Variants in LTBP1 observed in about 807,000 individuals in gnomAD.
LTBP1 encodes the protein latent-transforming growth factor beta-binding protein 1.
In LTBP1, 129 loss-of-function variants were observed where a neutral mutation model predicts 207.6. The ratio of observed to expected loss-of-function variants is 0.62; its 90% CI spans 0.54 to 0.72. LTBP1 has a LOEUF of 0.72. Ranked by LOEUF, LTBP1 falls within the 30% of genes least tolerant of loss-of-function variation. The pLI, the probability that LTBP1 is intolerant of heterozygous loss-of-function variation, is 0.00. For missense variants in LTBP1, 2,281 were observed against 2,217.2 expected (o/e 1.03, Z -0.58); for synonymous variants, 963 against 833.7 (o/e 1.16, Z -2.67).
chr2:33,397,409 G>C (rs943382089), intron 33 of LTBP1, 127 bp downstream of exon 33: 1 of 852,508 alleles, frequency 1.2e-6, no homozygotes, highest in Non-Finnish European at 1.8e-6. Context: ...TTCTGGAGAT[G>C]TACATTAAGT....
At chr2:33,160,723 A>G (rs1259910154) in intron 5 of LTBP1, among the ~76,000 whole-genome samples, 1 of 152,154 alleles carries the variant, frequency 6.6e-6, no homozygotes. Context: ...CTGCCTCATT[A>G]TTACTGGTCA....
intron 2 of LTBP1, 110 bp from the exon 3 acceptor site, chr2:33,020,799 G>A: frequency 9.4e-7 from 1 of 1,067,944 alleles, no homozygotes; most frequent in Non-Finnish European, 1.3e-6. Context: ...GTATTTGTGT[G>A]GTTTTTTATT....
chr2:33,398,282 G>A, intron 33 of LTBP1, 82 bp from the exon 34 acceptor site: 1 of 1,310,260 alleles, frequency 7.6e-7, no homozygotes, highest in Non-Finnish European at 1.1e-6. Context: ...GTCGGGGGAA[G>A]GGCCTCAGGT....
At chr2:33,045,321 T>G (rs530747118) in intron 3 of LTBP1, among the ~76,000 whole-genome samples, 2 of 152,342 alleles carry the variant, frequency 1.3e-5, no homozygotes, top group South Asian at 4.1e-4. Flanking sequence ...CAGTTTCCGT[T>G]TTCTGCGTAT....
At chr2:32,999,789 G>A (rs1309986806) in intron 2 of LTBP1, among the ~76,000 whole-genome samples, 1 of 133,092 alleles carries the variant, frequency 7.5e-6, no homozygotes, top group African/African-American at 2.6e-5. Flanking sequence ...CTCTAGCCTG[G>A]GCGACAGAGT....
intron 3 of LTBP1, among the ~76,000 whole-genome samples, chr2:33,046,416 T>C (rs1001839834): frequency 7.2e-5 from 11 of 152,198 alleles, no homozygotes; most frequent in African/African-American, 2.2e-4. Flanking sequence ...TGGATTACGT[T>C]TATTGATTTG....
At chr2:33,021,352 C>CGTTA (rs2075157883) in intron 3 of LTBP1, 146 bp downstream of exon 3, 2 of 783,396 alleles carry the variant, frequency 2.6e-6, no homozygotes, top group African/African-American at 3.5e-5. Flanking sequence ...AGGCTTTACA[C>CGTTA]GTTAGGCTTT....
At chr2:33,321,510 G>A (rs1356335981) in intron 24 of LTBP1, among the ~76,000 whole-genome samples, 1 of 152,176 alleles carries the variant, frequency 6.6e-6, no homozygotes, top group Non-Finnish European at 1.5e-5. Context: ...GCAGACGTGG[G>A]GTTTGTTTTC....
chr2:33,344,266 A>G (rs1273170127), intron 25 of LTBP1, among the ~76,000 whole-genome samples: 2 of 152,262 alleles, frequency 1.3e-5, no homozygotes, highest in African/African-American at 4.8e-5. Context: ...ATTTAATAAT[A>G]TAGCTAAGAC....
intron 24 of LTBP1, among the ~76,000 whole-genome samples, chr2:33,341,727 AAAATAT>A (rs2094625509): frequency 2.2e-5 from 2 of 89,624 alleles, no homozygotes; most frequent in Non-Finnish European, 4.1e-5. Flanking sequence ...AAAAAAAAAA[AAAATAT>A]ATATATATAT....
At chr2:33,019,803 G>C (rs1165370337) in intron 2 of LTBP1, among the ~76,000 whole-genome samples, 1 of 151,780 alleles carries the variant, frequency 6.6e-6, no homozygotes, top group East Asian at 1.9e-4. Context: ...CTGCAGCCTC[G>C]ACCTCCTGAG....
chr2:33,375,708 T>G (rs1317443288), intron 31 of LTBP1, among the ~76,000 whole-genome samples: 10 of 149,340 alleles, frequency 6.7e-5, no homozygotes, highest in Non-Finnish European at 1.5e-4. Context: ...TTTTGTATTT[T>G]TTTTTTTTTT....
intron 5 of LTBP1, among the ~76,000 whole-genome samples, chr2:33,170,706 C>T (rs2085352002): frequency 6.6e-6 from 1 of 152,018 alleles, no homozygotes. Context: ...AGACTGCCTC[C>T]TCAAGTGGGT....
chr2:33,011,816 C>T (rs1277201233), intron 2 of LTBP1, among the ~76,000 whole-genome samples: 1 of 151,872 alleles, frequency 6.6e-6, no homozygotes, highest in African/African-American at 2.4e-5. Flanking sequence ...ATTTATCCTC[C>T]CAAACCTGAT....
chr2:33,296,526 T>C (rs2093878132), intron 20 of LTBP1, among the ~76,000 whole-genome samples: 2 of 152,120 alleles, frequency 1.3e-5, no homozygotes, highest in Admixed American at 6.5e-5. Flanking sequence ...CATTGTGTCA[T>C]CCCTAAAATT....
At chr2:33,087,091 T>TTTTTTTTTTTC (rs2078808932) in intron 3 of LTBP1, among the ~76,000 whole-genome samples, 1 of 56,958 alleles carries the variant, frequency 1.8e-5, no homozygotes, top group Non-Finnish European at 5.4e-5. Context: ...ATGCTTTTTT[T>TTTTTTTTTTTC]TTTTTTTTTT....
In LTBP1 at chr2:33,342,944, G is replaced by A. The variant is rs755404210; in HGVS notation, c.3837G>A (p.Gln1279=). Residue 1279 remains glutamine (Q), a synonymous_variant, in exon 25 of 34, where the codon CAG becomes CAA. Transcript: ENST00000404816. The part of the protein sequence containing the change: ...CLCYQGFQAP[Q]DGQGCVDVNE... Reference sequence around the variant, plus strand: ...GTTATCAGGGCTTTCAAGCCCCACAGGATGGGCAAGGGTGTGTGGGTGAGT... The same window carrying A: ...GTTATCAGGGCTTTCAAGCCCCACAAGATGGGCAAGGGTGTGTGGGTGAGT... The A allele has an allele frequency of 3.7e-6, 6 of 1,613,818 alleles. No individual in the cohort carries two copies. Among genetic ancestry groups the A allele is most frequent in the Non-Finnish European group, 5.1e-6 (6 of 1,179,764 alleles).
intron 3 of LTBP1, among the ~76,000 whole-genome samples, chr2:33,047,797 CCTGTATTGGGTG>C (rs1339890679): frequency 2.0e-5 from 3 of 152,104 alleles, no homozygotes; most frequent in Non-Finnish European, 4.4e-5. Context: ...TCTGGGTGCT[CCTGTATTGGGTG>C]CATATATATT....
rs2093075866 is a variant in LTBP1 at position 33,263,378 on chromosome 2, C to T, written c.2603C>T (p.Pro868Leu). The T allele has an allele frequency of 6.2e-7, 1 of 1,613,372 alleles. No homozygotes were observed. The highest frequency in any genetic ancestry group is 8.5e-7 in the Non-Finnish European group (1 of 1,179,510). Residue 868 changes from proline (P) to leucine (L), a missense_variant, in exon 15 of 34, where the codon CCT becomes CTT. By Grantham distance (98) the Pro-to-Leu change is moderately conservative (BLOSUM62 -3). This residue lies in a region of LTBP1 where 1,671 missense variants were observed against 1,634.8 expected (regional missense o/e 1.02). Transcript: ENST00000404816. ...STSSASQVIAPTQVTEINECT... is the reference protein window; with the variant it reads ...STSSASQVIALTQVTEINECT... ...TCTAGTGCCAGCCAAGTGATTGCTC[C>T]TACTCAAGTGACAGGTTGGTGCAGT...
Sources: gnomAD v4.1 joint callset for allele counts (sites outside exome capture counted in the v4.1 genomes callset) on GRCh38, gnomAD v4.1.1 for gene constraint, gnomAD v4.1.1 regional missense constraint, MANE v1.5 for transcripts, NCBI Gene and HGNC (gene_info 2026-07-23, HGNC 2026-07-21) for gene names.